The following CHD7 variants were observed in gnomAD, a reference collection of about 807,000 sequenced individuals.
The protein encoded by CHD7 is ATP-dependent chromatin remodeler CHD7.
In CHD7, 24 loss-of-function variants were observed where a neutral mutation model predicts 307.3. The ratio of observed to expected loss-of-function variants is 0.08; its 90% confidence interval spans 0.06 to 0.11. The LOEUF is 0.11. Ranked by LOEUF, CHD7 falls within the 10% of genes least tolerant of loss-of-function variation. The probability of loss-of-function intolerance (pLI) is 1.00; values close to 1 mark genes in which losing one functional copy is unlikely to be tolerated. For missense variants in CHD7, 3,106 were observed against 3,727.1 expected (o/e 0.83, Z 4.34); for synonymous variants, 1,363 against 1,349.9 (o/e 1.01, Z -0.21).
chr8:60,828,230 T>A (rs1452798592), intron 13 of CHD7, among the ~76,000 whole-genome samples: 1 of 152,198 alleles, frequency 6.6e-6, no homozygotes, highest in Non-Finnish European at 1.5e-5. Context: ...TTCTTTTGTC[T>A]CTATGAAGTG....
chr8:60,693,080 G>A (rs1303027691), intron 1 of CHD7, among the ~76,000 whole-genome samples: 1 of 152,182 alleles, frequency 6.6e-6, no homozygotes, highest in Non-Finnish European at 1.5e-5. Context: ...GTCTGCGCTG[G>A]TGGTGTCAGG....
At chr8:60,841,124 AAACTCTGTT>A (rs1467848073) in intron 19 of CHD7, among the ~76,000 whole-genome samples, 8 of 152,164 alleles carry the variant, frequency 5.3e-5, no homozygotes, top group Non-Finnish European at 2.9e-5. Flanking sequence ...GATAGAGTTC[AAACTCTGTT>A]AACTCTGTTA....
Position 60,836,825 on chromosome 8 carries a change from A to T in CHD7, c.3998A>T (p.Tyr1333Phe). The change falls in exon 17 of 38, where the codon TAT becomes TTT. Residue 1333 changes from tyrosine to phenylalanine, a missense_variant. Tyr to Phe is a conservative substitution (Grantham distance 22, BLOSUM62 3). Around this residue, in one of 10 missense-constraint regions of CHD7, gnomAD observed 232 missense variants for 422.5 expected, o/e 0.55. Coordinates refer to ENST00000423902, the MANE Select transcript of CHD7 (RefSeq NM_017780.4). ...ACACTGATGTTTTCTAGGTACCCAT[A>T]TGAAAGGATCGACGGCCGAGTAAGA... ...EDYLIQRRYPYERIDGRVRGN... is the reference protein window; with the variant it reads ...EDYLIQRRYPFERIDGRVRGN... 1.2e-6 allele frequency: 2 copies of T among 1,613,708 alleles called. No individual in the cohort carries two copies. The highest frequency in any genetic ancestry group is 1.7e-6 in the Non-Finnish European group (2 of 1,179,688).
chr8:60,816,768 TAGC>T (rs1803766867), intron 8 of CHD7, among the ~76,000 whole-genome samples: 1 of 152,232 alleles, frequency 6.6e-6, no homozygotes, highest in Non-Finnish European at 1.5e-5. Context: ...AAAGTACAGT[TAGC>T]AGATGATGAA....
intron 7 of CHD7, among the ~76,000 whole-genome samples, chr8:60,814,002 T>C (rs564374303): frequency 6.6e-6 from 1 of 152,350 alleles, no homozygotes; most frequent in South Asian, 2.1e-4. Flanking sequence ...CACTGTATTA[T>C]CTGTAGGGCC....
In CHD7 at chr8:60,742,753, G is replaced by C. The variant is rs1353746682; in HGVS notation, c.1321G>C (p.Gly441Arg). Residue 441 changes from glycine to arginine, a missense_variant, in exon 2 of 38, where the codon GGT becomes CGT. Around this residue, in one of 10 missense-constraint regions of CHD7, gnomAD observed 998 missense variants for 1,004.5 expected, o/e 0.99. Coordinates refer to ENST00000423902, the MANE Select transcript of CHD7 (RefSeq NM_017780.4). Reference sequence around the variant, plus strand: ...TCCTCAGCCATCTCACCAGCCCCCTGGTGCCATGGGAATCGGACAGAGGAA... The same window carrying C: ...TCCTCAGCCATCTCACCAGCCCCCTCGTGCCATGGGAATCGGACAGAGGAA... ...PHPQPSHQPP[G>R]AMGIGQRNMG... 7 of 1,614,004 alleles carry C rather than the reference G, an allele frequency of 4.3e-6. No homozygotes were observed. In the South Asian group the frequency reaches 5.5e-5, roughly 13 times the overall value.
intron 1 of CHD7, among the ~76,000 whole-genome samples, chr8:60,727,541 T>G (rs1310292733): frequency 6.6e-6 from 1 of 152,180 alleles, no homozygotes; most frequent in African/African-American, 2.4e-5. Flanking sequence ...CTCTGTAGCA[T>G]TTGAACTGGT....
chr8:60,797,650 T>G (rs1812095464), intron 4 of CHD7, among the ~76,000 whole-genome samples: 1 of 152,228 alleles, frequency 6.6e-6, no homozygotes, highest in South Asian at 2.1e-4. Context: ...CTTACTGGAA[T>G]GGTATAAAGA....
At chr8:60,771,931 T>A (rs1311403179) in intron 2 of CHD7, among the ~76,000 whole-genome samples, 1 of 152,186 alleles carries the variant, frequency 6.6e-6, no homozygotes, top group East Asian at 1.9e-4. Context: ...AATTGCCCTT[T>A]AAGTAACTCC....
chr8:60,807,262 A>G (rs1812578960), intron 6 of CHD7, among the ~76,000 whole-genome samples: 1 of 152,226 alleles, frequency 6.6e-6, no homozygotes. Flanking sequence ...GAACAGCCAT[A>G]CATGACCCTC....
chr8:60,847,269 A>C (rs1563654083), intron 23 of CHD7, among the ~76,000 whole-genome samples: 1 of 151,990 alleles, frequency 6.6e-6, no homozygotes, highest in Non-Finnish European at 1.5e-5. Flanking sequence ...GGTGAATCCT[A>C]GTTGTTATTT....
chr8:60,712,664 GC>G (rs1466543005), intron 1 of CHD7, among the ~76,000 whole-genome samples: 2 of 152,048 alleles, frequency 1.3e-5, no homozygotes, highest in Non-Finnish European at 2.9e-5. Context: ...TGCCTGTAAT[GC>G]CAGCACTTTG....
At chr8:60,806,019 A>C (rs111541752) in intron 6 of CHD7, among the ~76,000 whole-genome samples, 15 of 152,164 alleles carry the variant, frequency 9.9e-5, no homozygotes, top group Middle Eastern at 3.4e-3. Context: ...ATCATCTACC[A>C]TCTTTTTGTC....
chr8:60,706,247 A>G (rs563574235), intron 1 of CHD7, among the ~76,000 whole-genome samples: 117 of 152,212 alleles, frequency 7.7e-4, no homozygotes, highest in African/African-American at 2.7e-3. Context: ...TTAAAGTTTG[A>G]ATTTGGGTTA....
At chr8:60,749,735 A>G (rs7816419) in intron 2 of CHD7, among the ~76,000 whole-genome samples, 15,407 of 152,152 alleles carry the variant, frequency 0.1, 1,720 homozygotes, top group African/African-American at 0.27. Context: ...AAGGAAGGCA[A>G]AAGAAATCAC....
intron 1 of CHD7, among the ~76,000 whole-genome samples, chr8:60,732,387 A>C (rs1334337400): frequency 6.6e-6 from 1 of 152,212 alleles, no homozygotes; most frequent in East Asian, 1.9e-4. Context: ...GCCCCTCTGC[A>C]TGCTTGCCCT....
At position 60,828,656 on chromosome 8, in the gene CHD7, A is replaced by G; in HGVS notation, c.3379-7A>G. 6.3e-7 allele frequency: 1 copy of G among 1,595,016 alleles called. No homozygotes were observed. The highest frequency in any genetic ancestry group is 8.5e-7 in the Non-Finnish European group (1 of 1,171,950). ...TTTGGTTAGTGGCTTTCCTTGTGTTACCTCAGGAACACAAAGTGCTGCTGA... is the reference window on the plus strand; with the variant it reads ...TTTGGTTAGTGGCTTTCCTTGTGTTGCCTCAGGAACACAAAGTGCTGCTGA... On this transcript the variant is annotated splice_region_variant and splice_polypyrimidine_tract_variant and intron_variant, in intron 13 of 37. Transcript: ENST00000423902.
intron 15 of CHD7, among the ~76,000 whole-genome samples, chr8:60,832,230 G>T (rs1183060506): frequency 6.6e-6 from 1 of 152,078 alleles, no homozygotes; most frequent in East Asian, 1.9e-4. Flanking sequence ...TCTCCATGTT[G>T]CCCAGGCTGG....
chr8:60,724,864 T>C (rs1252453265), intron 1 of CHD7, among the ~76,000 whole-genome samples: 1 of 152,198 alleles, frequency 6.6e-6, no homozygotes, highest in Admixed American at 6.5e-5. Flanking sequence ...GTCATAGGCC[T>C]GTGTTGAAAT....
Sources: gnomAD v4.1 joint callset for allele counts (sites outside exome capture counted in the v4.1 genomes callset) on GRCh38, gnomAD v4.1.1 for gene constraint, gnomAD v4.1.1 regional missense constraint, MANE v1.5 for transcripts, NCBI Gene and HGNC (gene_info 2026-07-23, HGNC 2026-07-21) for gene names.